The following NOP9 variants were observed in gnomAD, a reference collection of about 807,000 sequenced individuals.
NOP9 encodes nucleolar protein 9.
A neutral mutation model predicts 63.0 loss-of-function variants in NOP9; 50 were observed. The ratio of observed to expected loss-of-function variants is 0.79; its 90% CI spans 0.63 to 1.00. The LOEUF (loss-of-function observed/expected upper bound fraction) is 1.00, where lower values mean the gene tolerates loss of function less well. Ranked by LOEUF, NOP9 falls within the 50% of genes least tolerant of loss-of-function variation. NOP9 has a pLI of 0.00. For missense variants in NOP9, 758 were observed against 803.0 expected (o/e 0.94, Z 0.68); for synonymous variants, 343 against 332.8 (o/e 1.03, Z -0.33).
the NOP9 span, among the ~76,000 whole-genome samples, chr14:24,285,372 G>A: frequency 6.6e-6 from 1 of 152,170 alleles, no homozygotes; most frequent in Admixed American, 6.5e-5. Flanking sequence ...GGTGGGAGCA[G>A]ATGCATTAGG....
the NOP9 span, chr14:24,292,835 G>A: frequency 1.3e-6 from 2 of 1,567,294 alleles, no homozygotes; most frequent in Non-Finnish European, 1.7e-6. Flanking sequence ...GTGCTGGCCT[G>A]GGTGCCACAG....
chr14:24,305,553 C>T lies in NOP9; in HGVS notation c.*458C>T. 1 of 1,531,642 alleles carries T rather than the reference C, an allele frequency of 6.5e-7. No individual in the cohort carries two copies. The highest frequency in any genetic ancestry group is 8.8e-7 in the Non-Finnish European group (1 of 1,135,096). The allele number at this position is 1,531,642 out of a possible 1,614,324, so 94.9% of individuals were successfully genotyped here. On this transcript the variant is annotated 3_prime_UTR_variant, in exon 10 of 10. Transcript: ENST00000267425. The stretch of plus-strand genomic sequence containing the variant: ...TGGGTTATCTAGCCTGTACTGTCTG[C>T]AGGTCCTGAAATTTGATGCTGTCAT...
At chr14:24,300,349 G>C in intron 1 of NOP9, 59 bp from the exon 2 acceptor site, 1 of 1,563,764 alleles carries the variant, frequency 6.4e-7, no homozygotes, top group Non-Finnish European at 8.7e-7. Flanking sequence ...GTTAAGCGAG[G>C]GTACATAACT....
chr14:24,292,792 G>T, the NOP9 span: 1 of 1,609,228 alleles, frequency 6.2e-7, no homozygotes, highest in Non-Finnish European at 8.5e-7. Context: ...CCTCTAGAAG[G>T]TGGGGCAAGG....
chr14:24,292,476 T>C, the NOP9 span: 1 of 1,470,300 alleles, frequency 6.8e-7, no homozygotes, highest in South Asian at 1.2e-5. Context: ...CCCAGTGTGA[T>C]GCCTACTCTA....
the NOP9 span, among the ~76,000 whole-genome samples, chr14:24,279,382 T>C: frequency 6.6e-6 from 1 of 152,202 alleles, no homozygotes; most frequent in Non-Finnish European, 1.5e-5. Flanking sequence ...GGGAAATTGC[T>C]TGATGGCCCA....
the NOP9 span, among the ~76,000 whole-genome samples, chr14:24,272,968 G>A: frequency 6.6e-6 from 1 of 152,194 alleles, no homozygotes; most frequent in Non-Finnish European, 1.5e-5. Flanking sequence ...TGATTTGATA[G>A]ACCTTCATAT....
chr14:24,300,102 GC>G lies in NOP9; in HGVS notation c.149del (p.Ala50ValfsTer8), dbSNP rs1431807841. 6.2e-7 allele frequency: 1 copy of G among 1,613,336 alleles called. No homozygotes were observed. The highest frequency in any genetic ancestry group is 1.3e-5 in the African/African-American group (1 of 74,946). Reference sequence around the variant, plus strand: ...GCCTCCGGATGGGCGCTCGGAGCCGGCTCCAGATTCGCACCCGCACCTGAGC... The same window carrying G: ...GCCTCCGGATGGGCGCTCGGAGCCGGTCCAGATTCGCACCCGCACCTGAGC... ...WPPPDGRSEP[A>X]PDSHPHLSPE... On this transcript the variant is annotated frameshift_variant, in exon 1 of 10. Transcript: ENST00000267425. LOFTEE classifies it high-confidence loss of function.
the NOP9 span, among the ~76,000 whole-genome samples, chr14:24,275,452 A>G: frequency 6.6e-6 from 1 of 152,248 alleles, no homozygotes; most frequent in Non-Finnish European, 1.5e-5. Flanking sequence ...AGTCGGCTGT[A>G]TAGGTGAGAG....
chr14:24,306,076 C>T lies in NOP9; in HGVS notation c.*981C>T, dbSNP rs750018394. The T allele has an allele frequency of 1.9e-5, 31 of 1,614,034 alleles. No individual in the cohort carries two copies. The East Asian group carries it at 2.2e-4, about 12-fold the overall frequency. ...TTGCTTGTACACGTCAAAGGTGAATCGGGCGATGTCCTTGCTGTGCTTGGG... is the reference window on the plus strand; with the variant it reads ...TTGCTTGTACACGTCAAAGGTGAATTGGGCGATGTCCTTGCTGTGCTTGGG... On this transcript the variant is annotated 3_prime_UTR_variant, in exon 10 of 10. Transcript: ENST00000267425.
At position 24,306,239 on chromosome 14, in the gene NOP9, C is replaced by T; in HGVS notation, c.*1144C>T. 1 of 1,523,676 alleles carries T rather than the reference C, an allele frequency of 6.6e-7. No individual in the cohort carries two copies. Among genetic ancestry groups the T allele is most frequent in the Admixed American group, 1.7e-5 (1 of 57,576 alleles). 94.4% of individuals were successfully genotyped at this position (1,523,676 alleles called of 1,614,324 possible). ...ACCCTCCCTCGCTTGGACTTTCTGTCCACTGTGTGACATCCTTGACAATTC... is the reference window on the plus strand; with the variant it reads ...ACCCTCCCTCGCTTGGACTTTCTGTTCACTGTGTGACATCCTTGACAATTC... On this transcript the variant is annotated 3_prime_UTR_variant, in exon 10 of 10. Transcript: ENST00000267425.
At chr14:24,291,812 G>T in the NOP9 span, 2 of 641,562 alleles carry the variant, frequency 3.1e-6, no homozygotes, top group Non-Finnish European at 2.7e-6. Flanking sequence ...ATCCAGGTGA[G>T]CCCTGTGCCC....
upstream of NOP9, chr14:24,298,953 T>G (rs906596572): frequency 6.2e-7 from 1 of 1,600,760 alleles, no homozygotes; most frequent in African/African-American, 1.3e-5. Flanking sequence ...GAGGAAGCAC[T>G]CACCTCCTGA....
At chr14:24,286,632 G>A in the NOP9 span, among the ~76,000 whole-genome samples, 14 of 151,366 alleles carry the variant, frequency 9.2e-5, no homozygotes, top group Admixed American at 3.3e-4. Flanking sequence ...TCGCTCTGTC[G>A]CCCAGGCTGG....
Position 24,303,141 on chromosome 14 carries a change from T to C in NOP9, c.1211T>C (p.Val404Ala). The C allele has an allele frequency of 6.2e-7, 1 of 1,612,760 alleles. No homozygotes were observed. Among genetic ancestry groups the C allele is most frequent in the Non-Finnish European group, 8.5e-7 (1 of 1,179,392 alleles). The change falls in exon 6 of 10, where the codon GTA becomes GCA. Residue 404 changes from valine to alanine, a missense_variant. By Grantham distance (64) the Val-to-Ala change is moderately conservative. Coordinates refer to ENST00000267425, the MANE Select transcript of NOP9 (RefSeq NM_174913.3). ...EAVLAQGHPG[V>A]VIALVGACRR... ...GTATTGGCCCAGGGCCACCCAGGGG[T>C]AGTCATTGCCCTGGTGGGGGCCTGT... is the stretch of plus-strand genomic sequence containing the variant.
At chr14:24,281,924 A>G in the NOP9 span, among the ~76,000 whole-genome samples, 1 of 152,178 alleles carries the variant, frequency 6.6e-6, no homozygotes, top group African/African-American at 2.4e-5. Flanking sequence ...AAACCAAACC[A>G]GAGGCCGGCA....
chr14:24,301,512 C>T, intron 2 of NOP9, 100 bp from the exon 3 acceptor site: 1 of 1,443,142 alleles, frequency 6.9e-7, no homozygotes, highest in South Asian at 1.2e-5. Flanking sequence ...TACATCTGTT[C>T]TGCATCTCCA....
upstream of NOP9, chr14:24,298,742 G>A (rs2041308044): frequency 5.3e-6 from 3 of 570,156 alleles, no homozygotes; most frequent in East Asian, 3.4e-5. Flanking sequence ...ACCATGCCTG[G>A]CTCAAACACA....
the NOP9 span, among the ~76,000 whole-genome samples, chr14:24,288,182 C>T: frequency 2.0e-5 from 3 of 152,200 alleles, no homozygotes; most frequent in Admixed American, 2.0e-4. Flanking sequence ...TCACTCACTG[C>T]CTTCAATAAA....
Sources: allele counts gnomAD v4.1 joint callset (sites outside exome capture counted in the v4.1 genomes callset), GRCh38; gene constraint gnomAD v4.1.1; transcripts MANE v1.5; gene names NCBI Gene and HGNC (gene_info 2026-07-23, HGNC 2026-07-21).